The following GOLIM4 variants were observed in gnomAD, a reference collection of about 807,000 sequenced individuals.
GOLIM4 encodes the protein golgi integral membrane protein 4.
GOLIM4 carries 71 observed loss-of-function variants against 107.4 expected under a neutral mutation model. The ratio of observed to expected loss-of-function variants is 0.66; its 90% CI spans 0.55 to 0.81. The LOEUF (loss-of-function observed/expected upper bound fraction) is 0.81, where lower values mean the gene tolerates loss of function less well. Among genes scored for constraint, GOLIM4 ranks in the 30% least tolerant of loss-of-function variants. The probability of loss-of-function intolerance (pLI) is 0.00; values close to 1 mark genes in which losing one functional copy is unlikely to be tolerated. For synonymous variants in GOLIM4, 327 were observed against 294.8 expected (o/e 1.11, Z -1.12); for missense variants, 830 against 826.1 (o/e 1.00, Z -0.06).
intron 1 of GOLIM4, among the ~76,000 whole-genome samples, chr3:168,087,592 T>C (rs1309612661): frequency 6.6e-6 from 1 of 152,212 alleles, no homozygotes; most frequent in East Asian, 1.9e-4. Flanking sequence ...CACCCGTTAT[T>C]TCTGATTCTA....
intron 14 of GOLIM4, among the ~76,000 whole-genome samples, chr3:168,016,671 A>C (rs1393455614): frequency 3.0e-5 from 4 of 134,318 alleles, no homozygotes; most frequent in Admixed American, 2.8e-4. Flanking sequence ...GACTGGATTA[A>C]GAAAATGTGG....
At chr3:168,063,173 T>G (rs1048745367) in intron 1 of GOLIM4, among the ~76,000 whole-genome samples, 2 of 152,100 alleles carry the variant, frequency 1.3e-5, no homozygotes, top group African/African-American at 4.8e-5. Context: ...CCAAACTACT[T>G]AACTTCTTAC....
intron 8 of GOLIM4, among the ~76,000 whole-genome samples, chr3:168,036,455 T>C (rs1718658441): frequency 6.6e-6 from 1 of 152,110 alleles, no homozygotes; most frequent in Non-Finnish European, 1.5e-5. Flanking sequence ...GCAGGGAGAA[T>C]TGCTTGAACC....
At chr3:168,061,752 ATC>A (rs1401060084) in intron 1 of GOLIM4, among the ~76,000 whole-genome samples, 2 of 152,200 alleles carry the variant, frequency 1.3e-5, no homozygotes, top group Non-Finnish European at 2.9e-5. Context: ...AGTGAAACTA[ATC>A]TCTGATGATA....
intron 1 of GOLIM4, among the ~76,000 whole-genome samples, chr3:168,053,869 G>A (rs73174990): frequency 0.045 from 6,903 of 152,156 alleles, 186 homozygotes; most frequent in Non-Finnish European, 0.067. Flanking sequence ...GAATACTGGA[G>A]ATCTCCTAGA....
At chr3:168,030,744 C>T (rs913165210) in intron 9 of GOLIM4, among the ~76,000 whole-genome samples, 2 of 152,066 alleles carry the variant, frequency 1.3e-5, no homozygotes, top group Admixed American at 1.3e-4. Flanking sequence ...AAAGGGGAAC[C>T]CTCGTACGCT....
chr3:168,027,780 T>C lies in GOLIM4; in HGVS notation c.1571A>G (p.His524Arg), dbSNP rs372302207. 3 of 1,613,784 alleles carry C rather than the reference T, an allele frequency of 1.9e-6. No homozygotes were observed. The highest frequency in any genetic ancestry group is 1.3e-5 in the African/African-American group (1 of 75,004). Residue 524 changes from histidine to arginine, a missense_variant, in exon 12 of 16, where the codon CAT becomes CGT. Coordinates refer to ENST00000470487, the MANE Select transcript of GOLIM4 (RefSeq NM_014498.5). ...DEAEGDPGNR[H>R]EPREQGPREA... is the part of the protein sequence containing the mutation. ...TCGGGGTCCTTGTTCACGAGGCTCA[T>C]GTCTATTACCTGGATCTCCTTCTGC...
intron 1 of GOLIM4, among the ~76,000 whole-genome samples, chr3:168,063,388 G>T (rs2108270051): frequency 6.6e-6 from 1 of 152,182 alleles, no homozygotes; most frequent in African/African-American, 2.4e-5. Flanking sequence ...CTTTTTTTAA[G>T]ATTTTATTTT....
chr3:168,016,055 C>A (rs1399503630), intron 14 of GOLIM4, among the ~76,000 whole-genome samples: 1 of 134,268 alleles, frequency 7.4e-6, no homozygotes, highest in Admixed American at 7.0e-5. Flanking sequence ...TCTAATTAAA[C>A]TAAAGAGCTT....
At chr3:168,027,499 GTTTT>G (rs367786849) in intron 12 of GOLIM4, among the ~76,000 whole-genome samples, 1 of 143,894 alleles carries the variant, frequency 6.9e-6, no homozygotes, top group Non-Finnish European at 1.5e-5. Context: ...TCCTGGTTTT[GTTTT>G]TTTTTTTCCC....
intron 2 of GOLIM4, 53 bp downstream of exon 2, chr3:168,048,238 C>T (rs954210922): frequency 3.7e-5 from 34 of 928,268 alleles, no homozygotes; most frequent in Non-Finnish European, 4.1e-5. Flanking sequence ...GTATATGATA[C>T]GTCAAAGAAG....
chr3:168,068,605 T>A (rs371353547), intron 1 of GOLIM4, among the ~76,000 whole-genome samples: 15 of 151,968 alleles, frequency 9.9e-5, no homozygotes, highest in African/African-American at 3.4e-4. Flanking sequence ...AAGTTTCATA[T>A]CTGTTCATCT....
At chr3:168,083,847 C>T (rs901819745) in intron 1 of GOLIM4, among the ~76,000 whole-genome samples, 1 of 152,180 alleles carries the variant, frequency 6.6e-6, no homozygotes, top group Non-Finnish European at 1.5e-5. Flanking sequence ...TCTCACTAAG[C>T]CCTTCCCTTG....
Position 168,032,590 on chromosome 3 carries a change from T to C in GOLIM4, c.1106A>G (p.Asp369Gly). Residue 369 changes from aspartate to glycine, a missense_variant, in exon 9 of 16, where the codon GAT (aspartate) becomes GGT (glycine). By Grantham distance (94) the Asp-to-Gly change is moderately conservative. Transcript: ENST00000470487. The stretch of plus-strand genomic sequence containing the variant: ...CTCATGCTGCTCTTTCCACTCCCGA[T>C]CCTGCTCCTCTGGTGATGGATCGTG... Reference protein sequence around the residue: ...EEHDPSPEEQDREWKEQHEQR... With the variant: ...EEHDPSPEEQGREWKEQHEQR... 1 of 1,614,136 alleles carries C rather than the reference T, an allele frequency of 6.2e-7. No homozygotes were observed. Among genetic ancestry groups the C allele is most frequent in the Non-Finnish European group, 8.5e-7 (1 of 1,180,024 alleles).
At chr3:168,075,503 T>C (rs1721039085) in intron 1 of GOLIM4, among the ~76,000 whole-genome samples, 1 of 151,820 alleles carries the variant, frequency 6.6e-6, no homozygotes, top group Admixed American at 6.6e-5. Flanking sequence ...TTTCACCGTT[T>C]TAGCCGGGAT....
intron 1 of GOLIM4, among the ~76,000 whole-genome samples, chr3:168,086,041 C>T (rs1311206934): frequency 3.3e-5 from 5 of 151,780 alleles, no homozygotes; most frequent in Admixed American, 6.6e-5. Context: ...AGGTGATGAC[C>T]GCCTATACAG....
chr3:168,048,491 G>T, intron 1 of GOLIM4, 126 bp from the exon 2 acceptor site: 1 of 586,604 alleles, frequency 1.7e-6, no homozygotes, highest in Non-Finnish European at 3.0e-6. Flanking sequence ...AAACATATGT[G>T]TTTTAAGTTC....
chr3:168,063,823 C>T (rs1250076644), intron 1 of GOLIM4, among the ~76,000 whole-genome samples: 1 of 151,950 alleles, frequency 6.6e-6, no homozygotes, highest in East Asian at 1.9e-4. Context: ...CCATGGCACA[C>T]GTTTACCCAT....
At chr3:168,020,271 T>C (rs1487269062) in intron 14 of GOLIM4, among the ~76,000 whole-genome samples, 1 of 152,142 alleles carries the variant, frequency 6.6e-6, no homozygotes, top group Non-Finnish European at 1.5e-5. Context: ...AAGACTTTGG[T>C]TAGAAAGTCT....
Sources: allele counts gnomAD v4.1 joint callset (sites outside exome capture counted in the v4.1 genomes callset), GRCh38; gene constraint gnomAD v4.1.1; transcripts MANE v1.5; gene names NCBI Gene and HGNC (gene_info 2026-07-23, HGNC 2026-07-21).